ZNF423: variants seen among roughly 807,000 people sequenced by gnomAD.
The protein encoded by ZNF423 is zinc finger protein 423.
A neutral mutation model predicts 95.8 loss-of-function variants in ZNF423; 12 were observed. That is an observed-to-expected ratio of 0.13 (90% CI 0.08 to 0.20). ZNF423 has a LOEUF of 0.20. Among genes scored for constraint, ZNF423 ranks in the 10% least tolerant of loss-of-function variants. The pLI is 1.00. For synonymous variants in ZNF423, 749 were observed against 711.9 expected, an observed-to-expected ratio of 1.05 and a Z score of -0.83; for missense variants, 1,316 against 1,737.1, an observed-to-expected ratio of 0.76 and a Z score of 4.31.
intron 2 of ZNF423, among the ~76,000 whole-genome samples, chr16:49,732,999 G>A (rs1479798286): frequency 6.6e-6 from 1 of 152,202 alleles, no homozygotes. Flanking sequence ...TTATCAGAAC[G>A]CGCCAACTCC....
intron 6 of ZNF423, among the ~76,000 whole-genome samples, chr16:49,524,783 C>T (rs772641421): frequency 8.5e-5 from 13 of 152,198 alleles, no homozygotes; most frequent in South Asian, 2.1e-4. Flanking sequence ...CCACGCACAC[C>T]GGCTGCCATC....
At chr16:49,633,227 T>G (rs1972563181) in intron 4 of ZNF423, among the ~76,000 whole-genome samples, 1 of 152,242 alleles carries the variant, frequency 6.6e-6, no homozygotes, top group Admixed American at 6.5e-5. Flanking sequence ...TTGTAAGGAT[T>G]AAATAGAAAG....
intron 3 of ZNF423, among the ~76,000 whole-genome samples, chr16:49,671,132 T>G (rs2030787926): frequency 6.6e-6 from 1 of 152,172 alleles, no homozygotes; most frequent in Non-Finnish European, 1.5e-5. Flanking sequence ...TTCCCGGGAC[T>G]AGGAAGGCCC....
intron 5 of ZNF423, among the ~76,000 whole-genome samples, chr16:49,588,728 A>G (rs1185259608): frequency 1.3e-5 from 2 of 152,250 alleles, no homozygotes; most frequent in Non-Finnish European, 2.9e-5. Context: ...GCAGCAACAA[A>G]TCCTATATCT....
chr16:49,806,805 G>A (rs2143934627), intron 1 of ZNF423, among the ~76,000 whole-genome samples: 1 of 152,006 alleles, frequency 6.6e-6, no homozygotes, highest in South Asian at 2.1e-4. Context: ...AAGGCAGGCA[G>A]ATCACAAGGT....
intron 5 of ZNF423, among the ~76,000 whole-genome samples, chr16:49,565,481 T>A (rs1424810136): frequency 1.3e-5 from 2 of 152,200 alleles, no homozygotes; most frequent in African/African-American, 4.8e-5. Flanking sequence ...TGCCCAGGAC[T>A]CCTCTGCCAC....
intron 7 of ZNF423, among the ~76,000 whole-genome samples, chr16:49,508,285 C>T (rs1350256966): frequency 2.0e-5 from 3 of 152,084 alleles, no homozygotes; most frequent in Non-Finnish European, 2.9e-5. Flanking sequence ...CTTTGGAAGG[C>T]CAAGGCAGTA....
intron 2 of ZNF423, among the ~76,000 whole-genome samples, chr16:49,739,695 GGTTT>G (rs1567321261): frequency 7.5e-5 from 10 of 132,724 alleles, no homozygotes; most frequent in Admixed American, 3.1e-4. Context: ...GTTTTTGTTT[GGTTT>G]TTTTTTTTTT....
intron 3 of ZNF423, among the ~76,000 whole-genome samples, chr16:49,727,340 G>A (rs570472247): frequency 3.2e-4 from 48 of 152,110 alleles, no homozygotes; most frequent in Non-Finnish European, 5.1e-4. Context: ...GGTTGGGGAC[G>A]GGGGGGTCTT....
At chr16:49,574,037 GA>G (rs934822760) in intron 5 of ZNF423, among the ~76,000 whole-genome samples, 2 of 152,216 alleles carry the variant, frequency 1.3e-5, no homozygotes, top group African/African-American at 4.8e-5. Context: ...GATCTTTAAG[GA>G]AAGTGGTTCT....
At chr16:49,577,507 CACAA>C (rs1047892580) in intron 5 of ZNF423, among the ~76,000 whole-genome samples, 4 of 152,046 alleles carry the variant, frequency 2.6e-5, no homozygotes, top group Admixed American at 6.5e-5. Flanking sequence ...CCAGCATCTC[CACAA>C]ACAGAGAAAA....
At chr16:49,648,741 C>T (rs569350435) in intron 3 of ZNF423, among the ~76,000 whole-genome samples, 1 of 152,014 alleles carries the variant, frequency 6.6e-6, no homozygotes, top group Non-Finnish European at 1.5e-5. Context: ...TAGGACTGCA[C>T]ATATTGCTAA....
chr16:49,614,718 A>T (rs1356215837), intron 5 of ZNF423, among the ~76,000 whole-genome samples: 1 of 152,222 alleles, frequency 6.6e-6, no homozygotes, highest in African/African-American at 2.4e-5. Flanking sequence ...GGTAAAGTGT[A>T]CAGAGGACCT....
chr16:49,544,462 A>G (rs1191806141), intron 5 of ZNF423, among the ~76,000 whole-genome samples: 1 of 152,202 alleles, frequency 6.6e-6, no homozygotes, highest in Non-Finnish European at 1.5e-5. Flanking sequence ...CCAGGCAGGA[A>G]GGGGTCAGCT....
chr16:49,665,892 G>C (rs1012726355), intron 3 of ZNF423, among the ~76,000 whole-genome samples: 1 of 152,186 alleles, frequency 6.6e-6, no homozygotes, highest in Non-Finnish European at 1.5e-5. Context: ...AGAGCCTCAA[G>C]AAAAGGGCAT....
At position 49,658,326 on chromosome 16, in the gene ZNF423, T is replaced by C. The variant is rs955385352; in HGVS notation, c.302-19452A>G. ...AGGAGAGAAGAGGTGGGCTGGGCGC[T>C]GCAAGGAGCCCGGGGCCTGAGGAGG... On this transcript the variant is annotated intron_variant, in intron 3 of 7. Transcript: ENST00000563137. Among the ~76,000 whole-genome samples, 5 of 151,982 alleles carry C rather than the reference T, an allele frequency of 3.3e-5. No homozygotes were observed. In the South Asian group the frequency reaches 6.2e-4, roughly 19 times the overall value.
At chr16:49,801,276 C>T (rs1396902551) in intron 1 of ZNF423, among the ~76,000 whole-genome samples, 1 of 152,204 alleles carries the variant, frequency 6.6e-6, no homozygotes, top group Non-Finnish European at 1.5e-5. Context: ...CACCACCCTG[C>T]ACCAGAACTG....
chr16:49,496,951 G>T (rs1967186273), intron 7 of ZNF423, among the ~76,000 whole-genome samples: 1 of 152,190 alleles, frequency 6.6e-6, no homozygotes, highest in Non-Finnish European at 1.5e-5. Context: ...TCCCCTCTGG[G>T]TGTCCAAAGG....
chr16:49,641,663 A>C (rs1367847996), intron 3 of ZNF423, among the ~76,000 whole-genome samples: 8 of 152,236 alleles, frequency 5.3e-5, no homozygotes, highest in African/African-American at 1.9e-4. Context: ...TCCTCTATGA[A>C]TTCATCCATG....
Sources: gnomAD v4.1 joint callset for allele counts (sites outside exome capture counted in the v4.1 genomes callset) on GRCh38, gnomAD v4.1.1 for gene constraint, MANE v1.5 for transcripts, NCBI Gene and HGNC (gene_info 2026-07-23, HGNC 2026-07-21) for gene names.